Variants in ANK3 observed in about 807,000 individuals in gnomAD.
The protein encoded by ANK3 is ankyrin 3.
Under a neutral mutation model 370.9 loss-of-function variants are expected in ANK3, and 57 were observed. That is an observed-to-expected ratio of 0.15 (90% confidence interval 0.12 to 0.19). The LOEUF (loss-of-function observed/expected upper bound fraction) is 0.19. Among genes scored for constraint, ANK3 ranks in the 10% least tolerant of loss-of-function variants. The pLI is 1.00. For synonymous variants in ANK3, 1,929 were observed against 1,946.3 expected, an observed-to-expected ratio of 0.99 and a Z score of 0.23; for missense variants, 4,439 against 5,302.1, an observed-to-expected ratio of 0.84 and a Z score of 5.06.
At chr10:60,179,888 G>C (rs1040549944) in intron 18 of ANK3, among the ~76,000 whole-genome samples, 14 of 152,100 alleles carry the variant, frequency 9.2e-5, no homozygotes, top group Non-Finnish European at 1.9e-4. Context: ...TTAGGGCATG[G>C]CTTGGATGTG....
chr10:60,178,958 G>T (rs10994241), intron 18 of ANK3, among the ~76,000 whole-genome samples: 10 of 152,020 alleles, frequency 6.6e-5, no homozygotes, highest in Non-Finnish European at 1.3e-4. Context: ...GGAGGGGTGC[G>T]GGGGGAGAGG....
chr10:60,043,253 A>G, intron 42 of ANK3: 1 of 985,654 alleles, frequency 1.0e-6, no homozygotes, highest in Non-Finnish European at 1.2e-6. Context: ...TCCTCTCTTC[A>G]CTGAGCATCA....
intron 21 of ANK3, among the ~76,000 whole-genome samples, chr10:60,171,484 G>A (rs1023622797): frequency 3.9e-5 from 6 of 152,164 alleles, no homozygotes; most frequent in Non-Finnish European, 7.3e-5. Flanking sequence ...GAAGAGAAAA[G>A]GGGACAGAGC....
At chr10:60,214,767 G>T (rs555309089) in intron 8 of ANK3, among the ~76,000 whole-genome samples, 2 of 152,248 alleles carry the variant, frequency 1.3e-5, no homozygotes, top group South Asian at 4.2e-4. Context: ...ATTGTTGATG[G>T]GCATTTGGGT....
intron 2 of ANK3, among the ~76,000 whole-genome samples, chr10:60,442,729 T>G (rs2064331221): frequency 6.6e-6 from 1 of 152,246 alleles, no homozygotes; most frequent in Non-Finnish European, 1.5e-5. Flanking sequence ...CAATCATTAC[T>G]GCGTAACTTC....
intron 25 of ANK3, among the ~76,000 whole-genome samples, chr10:60,131,450 C>T (rs935977034): frequency 1.6e-4 from 25 of 152,296 alleles, no homozygotes; most frequent in African/African-American, 5.5e-4. Flanking sequence ...TTTCAGATGT[C>T]CTATGCTCTC....
At chr10:60,463,145 C>A (rs974991341) in intron 2 of ANK3, among the ~76,000 whole-genome samples, 1 of 152,148 alleles carries the variant, frequency 6.6e-6, no homozygotes, top group Non-Finnish European at 1.5e-5. Context: ...ATCCAGTGAT[C>A]CATGCGCCTT....
At chr10:60,083,697 A>G (rs1401578840) in intron 32 of ANK3, 80 bp from the exon 33 acceptor site, 1 of 1,229,712 alleles carries the variant, frequency 8.1e-7, no homozygotes, top group Non-Finnish European at 1.2e-6. Flanking sequence ...CGTAACGTTA[A>G]AAGACTGACG....
intron 11 of ANK3, 80 bp downstream of exon 11, chr10:60,205,712 T>G: frequency 9.7e-7 from 1 of 1,031,454 alleles, no homozygotes; most frequent in Non-Finnish European, 1.5e-6. Flanking sequence ...AGCTGGTCCC[T>G]GGAGATGGCC....
At position 60,084,643 on chromosome 10, in the gene ANK3, G is replaced by C; in HGVS notation, c.4033C>G (p.Gln1345Glu). 1 of 1,613,846 alleles carries C rather than the reference G, an allele frequency of 6.2e-7. No individual in the cohort carries two copies. The highest frequency in any genetic ancestry group is 1.1e-5 in the South Asian group (1 of 91,018). ...DDKVDKTLEQ[Q>E]ENFEEVARSK... ...CTTGCGACTTCCTCAAAATTCTCTT[G>C]TTGCTCTAAAGTTTTGTCCACTTTG... The change falls in exon 32 of 44, where the codon CAA becomes GAA. Residue 1345 changes from glutamine to glutamate, a missense_variant. By Grantham distance (29) the Gln-to-Glu change is conservative. Coordinates refer to ENST00000280772, the MANE Select transcript of ANK3 (RefSeq NM_020987.5).
chr10:60,733,448 C>T (rs954476991), exon 1 of ANK3: 27 of 790,812 alleles, frequency 3.4e-5, no homozygotes, highest in Admixed American at 8.7e-5. Flanking sequence ...CCAAGCGCGG[C>T]CCCGCGACGC....
At chr10:60,472,243 G>A (rs1372972302) in intron 2 of ANK3, among the ~76,000 whole-genome samples, 4 of 152,158 alleles carry the variant, frequency 2.6e-5, no homozygotes, top group African/African-American at 9.7e-5. Flanking sequence ...TAGCAGTGCT[G>A]AAATCTCAGG....
rs71015794 is a variant in ANK3 at position 60,468,997 on chromosome 10, GTATATATA to G, written c.96+146181_96+146188del. 1.4e-3 allele frequency among the ~76,000 whole-genome samples: 33 copies of G among 23,254 alleles called. 3 individuals carry two copies. Among genetic ancestry groups the G allele is most frequent in the Non-Finnish European group, 2.2e-3 (29 of 13,330 alleles). 15.3% of individuals were successfully genotyped at this position (23,254 alleles called of 152,430 possible). A position where few individuals can be genotyped will look rare whatever the true frequency, so the allele number is the denominator to read the frequency against. ...ACTATATATATACCACTTTTAGTGT[GTATATATA>G]TATATATATATATACCACTTTTAGT... On this transcript the variant is annotated intron_variant, in intron 2 of 43. Transcript: ENST00000373827.
intron 1 of ANK3, among the ~76,000 whole-genome samples, chr10:60,370,958 G>A (rs2132783746): frequency 6.6e-6 from 1 of 152,234 alleles, no homozygotes; most frequent in Admixed American, 6.5e-5. Flanking sequence ...ACCAATCCCT[G>A]TGCATTCCAT....
intron 2 of ANK3, among the ~76,000 whole-genome samples, chr10:60,431,804 A>C (rs1161005650): frequency 6.6e-6 from 1 of 152,186 alleles, no homozygotes; most frequent in Non-Finnish European, 1.5e-5. Flanking sequence ...TAATTTAAAA[A>C]ATGTAAATTC....
intron 2 of ANK3, among the ~76,000 whole-genome samples, chr10:60,434,348 A>G (rs2064105048): frequency 6.6e-6 from 1 of 152,200 alleles, no homozygotes; most frequent in Non-Finnish European, 1.5e-5. Context: ...TCTACTTATT[A>G]TACTATAGGT....
chr10:60,184,573 C>T (rs2096277447), intron 17 of ANK3, among the ~76,000 whole-genome samples: 1 of 152,154 alleles, frequency 6.6e-6, no homozygotes, highest in Non-Finnish European at 1.5e-5. Context: ...ATCATTTACT[C>T]AGGAAAGTGG....
intron 2 of ANK3, among the ~76,000 whole-genome samples, chr10:60,545,891 T>A (rs1435553592): frequency 6.6e-6 from 1 of 152,074 alleles, no homozygotes; most frequent in African/African-American, 2.4e-5. Flanking sequence ...ATATAATGAG[T>A]TTTCAGAAGG....
intron 23 of ANK3, among the ~76,000 whole-genome samples, chr10:60,156,640 C>T (rs1004489768): frequency 7.2e-5 from 11 of 152,166 alleles, no homozygotes; most frequent in African/African-American, 2.7e-4. Context: ...ACCTGGTAAC[C>T]CAGGGAATTC....
Sources: gnomAD v4.1 joint callset for allele counts (sites outside exome capture counted in the v4.1 genomes callset) on GRCh38, gnomAD v4.1.1 for gene constraint, MANE v1.5 for transcripts, NCBI Gene and HGNC (gene_info 2026-07-23, HGNC 2026-07-21) for gene names.